Variants in XXYLT1 observed in about 807,000 individuals in gnomAD.
The protein encoded by XXYLT1 is UDP-xylose:alpha-xyloside alpha-1,3-xylosyltransferase.
In XXYLT1, 20 loss-of-function variants were observed where a neutral mutation model predicts 28.9. That is an observed-to-expected ratio of 0.69 (90% confidence interval 0.49 to 1.00). XXYLT1 has a LOEUF of 1.00. Ranked by LOEUF, XXYLT1 falls within the 50% of genes least tolerant of loss-of-function variation. The probability of loss-of-function intolerance (pLI) is 0.00; values close to 1 mark genes in which losing one functional copy is unlikely to be tolerated. For missense variants in XXYLT1, 542 were observed against 560.1 expected (o/e 0.97, Z 0.33); for synonymous variants, 257 against 253.8 (o/e 1.01, Z -0.12).
intron 3 of XXYLT1, among the ~76,000 whole-genome samples, chr3:195,123,518 C>T (rs1488250316): frequency 6.6e-6 from 1 of 152,158 alleles, no homozygotes; most frequent in Non-Finnish European, 1.5e-5. Context: ...TCTCTGCAGG[C>T]AGAAGACGAG....
chr3:195,198,916 G>T (rs539731923), intron 2 of XXYLT1, among the ~76,000 whole-genome samples: 1 of 152,202 alleles, frequency 6.6e-6, no homozygotes, highest in East Asian at 1.9e-4. Context: ...GTTCTCCGAC[G>T]GGAAGGCAAA....
intron 1 of XXYLT1, among the ~76,000 whole-genome samples, chr3:195,260,470 G>T (rs1046224031): frequency 6.6e-6 from 1 of 152,324 alleles, no homozygotes; most frequent in Non-Finnish European, 1.5e-5. Flanking sequence ...CGGGCACGGG[G>T]CACCTGGAAA....
intron 3 of XXYLT1, among the ~76,000 whole-genome samples, chr3:195,073,838 T>C (rs1051362571): frequency 2.8e-4 from 43 of 152,342 alleles, no homozygotes; most frequent in African/African-American, 1.0e-3. Flanking sequence ...CTAGTTTTCA[T>C]GAAGAAAACC....
intron 3 of XXYLT1, among the ~76,000 whole-genome samples, chr3:195,139,506 T>C (rs1183304268): frequency 1.3e-5 from 2 of 152,188 alleles, no homozygotes; most frequent in African/African-American, 4.8e-5. Context: ...ACGGACGCTT[T>C]CACAGTGTGC....
chr3:195,132,742 A>G (rs898450879), intron 3 of XXYLT1, among the ~76,000 whole-genome samples: 1 of 152,174 alleles, frequency 6.6e-6, no homozygotes, highest in African/African-American at 2.4e-5. Context: ...TGCAACTGAC[A>G]CCTACCAGCC....
At chr3:195,103,619 T>C (rs1209952965) in intron 3 of XXYLT1, among the ~76,000 whole-genome samples, 1 of 152,288 alleles carries the variant, frequency 6.6e-6, no homozygotes, top group Non-Finnish European at 1.5e-5. Flanking sequence ...TCACTGTCGC[T>C]GTGCCTTTAC....
chr3:195,247,372 T>C (rs1217824793), intron 1 of XXYLT1, among the ~76,000 whole-genome samples: 1 of 152,200 alleles, frequency 6.6e-6, no homozygotes, highest in East Asian at 1.9e-4. Flanking sequence ...TCCCATGACC[T>C]ATGACCTCCA....
chr3:195,203,405 A>C (rs1467916166), intron 2 of XXYLT1, among the ~76,000 whole-genome samples: 1 of 152,122 alleles, frequency 6.6e-6, no homozygotes, highest in African/African-American at 2.4e-5. Context: ...ATTGGCCTGT[A>C]CCCACCCCTT....
Position 195,180,638 on chromosome 3 carries a change from T to C in XXYLT1, c.653-24057A>G. 1.3e-6 allele frequency: 1 copy of C among 780,890 alleles called. No individual in the cohort carries two copies. The highest frequency in any genetic ancestry group is 1.6e-6 in the Non-Finnish European group (1 of 643,358). The allele number at this position is 780,890 out of a possible 1,614,324, so 48.4% of individuals were successfully genotyped here. Reference sequence around the variant, plus strand: ...GCTAAGAGCACCAGACGGCGGTGGCTGGAGCACCCCGTGCCACTGCAAACG... The same window carrying C: ...GCTAAGAGCACCAGACGGCGGTGGCCGGAGCACCCCGTGCCACTGCAAACG... On this transcript the variant is annotated intron_variant, in intron 2 of 3. Transcript: ENST00000310380. The surrounding 1 kb of genome is among the most constrained non-coding windows in gnomAD (Gnocchi z 5.8).
intron 1 of XXYLT1, among the ~76,000 whole-genome samples, chr3:195,262,232 A>G (rs1725718524): frequency 6.6e-6 from 1 of 152,250 alleles, no homozygotes; most frequent in Admixed American, 6.5e-5. Flanking sequence ...GCCAGACACA[A>G]AAGACCACAT....
chr3:195,072,916 G>A (rs1381063331), intron 3 of XXYLT1, among the ~76,000 whole-genome samples: 1 of 152,174 alleles, frequency 6.6e-6, no homozygotes, highest in Non-Finnish European at 1.5e-5. Flanking sequence ...GGACAGTATT[G>A]GAGCTCGTGC....
chr3:195,234,076 C>T (rs1351651148), intron 1 of XXYLT1, among the ~76,000 whole-genome samples: 5 of 151,092 alleles, frequency 3.3e-5, no homozygotes, highest in Admixed American at 2.0e-4. Flanking sequence ...GCCACTACGC[C>T]CAGCTAATTT....
At chr3:195,207,694 T>TG (rs1723133526) in intron 2 of XXYLT1, among the ~76,000 whole-genome samples, 1 of 152,196 alleles carries the variant, frequency 6.6e-6, no homozygotes, top group South Asian at 2.1e-4. Flanking sequence ...TTTATTTATC[T>TG]TACAGATAAA....
At chr3:195,265,607 C>T (rs1725825477) in intron 1 of XXYLT1, among the ~76,000 whole-genome samples, 1 of 152,190 alleles carries the variant, frequency 6.6e-6, no homozygotes, top group African/African-American at 2.4e-5. Context: ...GGAGAGGAGA[C>T]ATGAGAGGCG....
chr3:195,235,064 T>C (rs1724476914), intron 1 of XXYLT1, among the ~76,000 whole-genome samples: 1 of 151,906 alleles, frequency 6.6e-6, no homozygotes, highest in South Asian at 2.1e-4. Context: ...CTTTCTTTTG[T>C]CTCCTCTGAC....
At chr3:195,239,838 G>A (rs929095062) in intron 1 of XXYLT1, among the ~76,000 whole-genome samples, 1 of 152,140 alleles carries the variant, frequency 6.6e-6, no homozygotes, top group African/African-American at 2.4e-5. Flanking sequence ...CATCAGAAAT[G>A]TCACCCCAAC....
rs1352517672 is a variant in XXYLT1, at chr3:195,270,828, G to A, written c.231C>T (p.Ser77=). 12 of 1,472,908 alleles carry A rather than the reference G, an allele frequency of 8.1e-6. No homozygotes were observed. The African/African-American group carries it at 8.7e-5, about 11-fold the overall frequency. 91.2% of individuals were successfully genotyped at this position (1,472,908 alleles called of 1,614,324 possible). Residue 77 remains serine (S), a synonymous_variant, in exon 1 of 4, where the codon TCC becomes TCT. Transcript: ENST00000310380. The part of the protein sequence containing the change: ...SPPALELARG[S]VAPAPGAKAK... The stretch of plus-strand genomic sequence containing the variant: ...CCTTCGCGCCGGGGGCTGGCGCCAC[G>A]GAGCCCCGCGCTAGCTCCAGCGCGG...
chr3:195,071,720 C>G (rs1292716906), intron 3 of XXYLT1, among the ~76,000 whole-genome samples: 2 of 152,016 alleles, frequency 1.3e-5, no homozygotes, highest in Admixed American at 6.5e-5. Flanking sequence ...TTCATTTTAC[C>G]CTATTTCTTC....
intron 3 of XXYLT1, among the ~76,000 whole-genome samples, chr3:195,114,121 A>T (rs1419578036): frequency 6.6e-6 from 1 of 152,196 alleles, no homozygotes; most frequent in Non-Finnish European, 1.5e-5. Flanking sequence ...AGATTCAATT[A>T]AGGAAGCAGG....
Sources: allele counts gnomAD v4.1 joint callset (sites outside exome capture counted in the v4.1 genomes callset), GRCh38; gene constraint gnomAD v4.1.1; non-coding constraint Gnocchi (gnomAD v3.1); transcripts MANE v1.5; gene names NCBI Gene and HGNC (gene_info 2026-07-23, HGNC 2026-07-21).